Variants in CELF2 observed in about 807,000 individuals in gnomAD.
CELF2 encodes CUGBP Elav-like family member 2.
CELF2 carries 8 observed loss-of-function variants against 62.6 expected under a neutral mutation model. The ratio of observed to expected loss-of-function variants is 0.13; its 90% CI spans 0.07 to 0.23. The LOEUF (loss-of-function observed/expected upper bound fraction) is 0.23, where lower values mean the gene tolerates loss of function less well. CELF2 is among the 10% of genes least tolerant of loss of function. The probability of loss-of-function intolerance (pLI) is 1.00; values close to 1 mark genes in which losing one functional copy is unlikely to be tolerated. For synonymous variants in CELF2, 258 were observed against 250.0 expected, an observed-to-expected ratio of 1.03 and a Z score of -0.30; for missense variants, 333 against 671.0, an observed-to-expected ratio of 0.50 and a Z score of 5.56.
rs149470640 is a variant in CELF2, at chr10:11,201,398, A to G, written c.272-16027A>G. Among the ~76,000 whole-genome samples, 1,113 of 152,058 alleles carry G rather than the reference A, an allele frequency of 7.3e-3. 14 individuals are homozygous for G. The highest frequency in any genetic ancestry group is 0.025 in the African/African-American group (1,055 of 41,436). On this transcript the variant is annotated intron_variant, in intron 2 of 12. Transcript: ENST00000633077. ...GGCTTCTCCATCTTGTCACTCTACCATCTCTTTGGTTTTTGTGTGTGTGTG... is the reference window on the plus strand; with the variant it reads ...GGCTTCTCCATCTTGTCACTCTACCGTCTCTTTGGTTTTTGTGTGTGTGTG...
chr10:11,199,740 T>G (rs554249686), intron 2 of CELF2, among the ~76,000 whole-genome samples: 1 of 152,320 alleles, frequency 6.6e-6, no homozygotes, highest in South Asian at 2.1e-4. Flanking sequence ...TTAAGAATTT[T>G]TTTTATTCTA....
the CELF2 span, among the ~76,000 whole-genome samples, chr10:10,728,622 G>A: frequency 6.6e-6 from 1 of 152,068 alleles, no homozygotes. Context: ...ATAGGAGAGG[G>A]TGGGGGACAG....
intron 2 of CELF2, among the ~76,000 whole-genome samples, chr10:10,923,490 G>T (rs2065117602): frequency 6.6e-6 from 1 of 152,206 alleles, no homozygotes; most frequent in Non-Finnish European, 1.5e-5. Flanking sequence ...TGTAGCAGTG[G>T]ATTGCGTCTG....
the CELF2 span, among the ~76,000 whole-genome samples, chr10:10,574,952 A>G: frequency 2.7e-5 from 4 of 148,876 alleles, no homozygotes; most frequent in Non-Finnish European, 5.9e-5. Flanking sequence ...TCCTGACCTC[A>G]GGTGATCTAC....
At chr10:11,106,048 G>T (rs972680865) in intron 1 of CELF2, among the ~76,000 whole-genome samples, 3 of 152,154 alleles carry the variant, frequency 2.0e-5, no homozygotes, top group Non-Finnish European at 2.9e-5. Flanking sequence ...ATATTGCAGA[G>T]AAATGATGAA....
rs571481549 is a variant in CELF2 at position 11,155,399 on chromosome 10, C to T, written c.75-10087C>T. On this transcript the variant is annotated intron_variant, in intron 1 of 12. Coordinates refer to ENST00000633077, the MANE Select transcript of CELF2 (RefSeq NM_001326342.2). ...GACATGGGCCTGCCTATTGCAGAGC[C>T]TCCCTTTTGTTTGCTCCTCGTCTTC... 1.3e-4 allele frequency among the ~76,000 whole-genome samples: 20 copies of T among 152,294 alleles called. No individual in the cohort carries two copies. In the South Asian group the frequency reaches 4.1e-3, roughly 32 times the overall value.
intron 1 of CELF2, among the ~76,000 whole-genome samples, chr10:11,019,407 C>T (rs938284514): frequency 5.9e-5 from 9 of 152,156 alleles, no homozygotes; most frequent in African/African-American, 2.2e-4. Context: ...CATCCCTATT[C>T]TGTCTGGCAC....
At chr10:10,815,238 C>G (rs934094830) in intron 1 of CELF2, among the ~76,000 whole-genome samples, 1 of 152,206 alleles carries the variant, frequency 6.6e-6, no homozygotes, top group South Asian at 2.1e-4. Context: ...CTCTTTGCCC[C>G]TCTCTCCCCT....
At chr10:11,033,314 A>G (rs1024872238) in intron 1 of CELF2, among the ~76,000 whole-genome samples, 8 of 150,266 alleles carry the variant, frequency 5.3e-5, no homozygotes, top group African/African-American at 1.7e-4. Flanking sequence ...CTGGAGTGCA[A>G]TGGCACCATC....
At chr10:10,761,401 T>C in the CELF2 span, among the ~76,000 whole-genome samples, 11,445 of 152,200 alleles carry the variant, frequency 0.075, 464 homozygotes, top group African/African-American at 0.095. Context: ...TTGAGTAGGT[T>C]GGTAGAGGTG....
chr10:10,917,355 G>A (rs2064439745), intron 1 of CELF2, among the ~76,000 whole-genome samples: 1 of 152,164 alleles, frequency 6.6e-6, no homozygotes, highest in African/African-American at 2.4e-5. Flanking sequence ...GTTTTTAAGA[G>A]ACAGAATGTC....
In CELF2 at chr10:10,934,219, A is replaced by C. The variant is rs1180654811; in HGVS notation, c.89+14220A>C. 6.6e-6 allele frequency among the ~76,000 whole-genome samples: 1 copy of C among 152,246 alleles called. No homozygotes were observed. The highest frequency in any genetic ancestry group is 1.5e-5 in the Non-Finnish European group (1 of 68,042). On this transcript the variant is annotated intron_variant, in intron 2 of 13. Transcript: ENST00000636488. The surrounding 1 kb of genome is among the most constrained non-coding windows in gnomAD (Gnocchi z 4.4). ...GGGGCATTGGAACAGGGTTAAAAAT[A>C]GAATTCAAAGAGCACGTTAGCAAGG...
chr10:11,150,874 TAC>T (rs2063206771), intron 1 of CELF2, among the ~76,000 whole-genome samples: 1 of 152,232 alleles, frequency 6.6e-6, no homozygotes, highest in African/African-American at 2.4e-5. Flanking sequence ...ACTGAAGAAC[TAC>T]AGTTAGATGC....
intron 1 of CELF2, among the ~76,000 whole-genome samples, chr10:11,042,688 C>T (rs1376987143): frequency 6.6e-6 from 1 of 152,162 alleles, no homozygotes; most frequent in Non-Finnish European, 1.5e-5. Flanking sequence ...AGGGTCACCT[C>T]CCCCACCCCA....
Position 11,157,098 on chromosome 10 carries a change from C to T in CELF2, c.75-8388C>T, listed in dbSNP as rs1299444355. On this transcript the variant is annotated intron_variant, in intron 1 of 12. Transcript: ENST00000633077. The surrounding 1 kb of genome is among the most constrained non-coding windows in gnomAD (Gnocchi z 4.9). Reference sequence around the variant, plus strand: ...TGGAAGGTCCTTTGCGGAACAGGCTCCAGGGGGTGGCATTTCAAGAGCAGG... The same window carrying T: ...TGGAAGGTCCTTTGCGGAACAGGCTTCAGGGGGTGGCATTTCAAGAGCAGG... Among the ~76,000 whole-genome samples the T allele has an allele frequency of 6.6e-6, 1 of 151,966 alleles. No homozygotes were observed. The highest frequency in any genetic ancestry group is 1.5e-5 in the Non-Finnish European group (1 of 67,982).
chr10:10,740,996 G>A, the CELF2 span, among the ~76,000 whole-genome samples: 3 of 152,244 alleles, frequency 2.0e-5, no homozygotes, highest in South Asian at 6.2e-4. Context: ...CATAATTCTA[G>A]GGATCTAATA....
At chr10:10,662,510 C>T in the CELF2 span, among the ~76,000 whole-genome samples, 1 of 152,024 alleles carries the variant, frequency 6.6e-6, no homozygotes, top group Non-Finnish European at 1.5e-5. Context: ...TGTGTCCTGG[C>T]AGGTCAGTCA....
chr10:10,579,716 T>C, the CELF2 span, among the ~76,000 whole-genome samples: 1 of 152,176 alleles, frequency 6.6e-6, no homozygotes, highest in African/African-American at 2.4e-5. Context: ...ATCTTCAAAA[T>C]ACATTGAAGA....
the CELF2 span, among the ~76,000 whole-genome samples, chr10:10,559,297 A>G: frequency 6.6e-6 from 1 of 152,200 alleles, no homozygotes; most frequent in African/African-American, 2.4e-5. Flanking sequence ...TGCAAAATAA[A>G]ATGAGATTGG....
Sources: gnomAD v4.1 joint callset for allele counts (sites outside exome capture counted in the v4.1 genomes callset) on GRCh38, gnomAD v4.1.1 for gene constraint, Gnocchi (gnomAD v3.1) non-coding constraint, MANE v1.5 for transcripts, NCBI Gene and HGNC (gene_info 2026-07-23, HGNC 2026-07-21) for gene names.